The following XPR1 variants were observed in gnomAD, a reference collection of about 807,000 sequenced individuals.
XPR1 encodes the protein solute carrier family 53 member 1.
In XPR1, 28 loss-of-function variants were observed where a neutral mutation model predicts 87.5. The observed-to-expected ratio is 0.32, with a 90% CI of 0.24 to 0.44. XPR1 has a LOEUF of 0.44. Ranked by LOEUF, XPR1 falls within the 20% of genes least tolerant of loss-of-function variation. The probability of loss-of-function intolerance (pLI) is 1.00; values close to 1 mark genes in which losing one functional copy is unlikely to be tolerated. For synonymous variants in XPR1, 300 were observed against 306.1 expected (o/e 0.98, Z 0.21); for missense variants, 559 against 862.3 (o/e 0.65, Z 4.41).
In XPR1 at chr1:180,797,813, G is replaced by A. The variant is rs116590666; in HGVS notation, c.224-5575G>A. Among the ~76,000 whole-genome samples, 1,353 of 152,190 alleles carry A rather than the reference G, an allele frequency of 8.9e-3. 17 individuals carry two copies. Among genetic ancestry groups the A allele is most frequent in the African/African-American group, 0.03 (1,233 of 41,526 alleles). On this transcript the variant is annotated intron_variant, in intron 3 of 14. Transcript: ENST00000367590. ...TAGGACATAAATACTTAAGTTGTTT[G>A]AACCTGATTACTTAATAAATAGAAG...
At chr1:180,694,773 G>GCACACACACACA (rs56118040) in intron 2 of XPR1, among the ~76,000 whole-genome samples, 33 of 149,632 alleles carry the variant, frequency 2.2e-4, no homozygotes, top group African/African-American at 6.6e-4. Flanking sequence ...ATTGTTGTGT[G>GCACACACACACA]CACACACACA....
chr1:180,665,157 A>G (rs1459415770), intron 1 of XPR1, among the ~76,000 whole-genome samples: 1 of 152,184 alleles, frequency 6.6e-6, no homozygotes, highest in African/African-American at 2.4e-5. Context: ...AGAAGTAAAC[A>G]CCTTTTTCAA....
intron 2 of XPR1, among the ~76,000 whole-genome samples, chr1:180,755,504 GTTAT>G (rs983997928): frequency 2.0e-5 from 3 of 152,136 alleles, no homozygotes; most frequent in African/African-American, 7.2e-5. Context: ...TACTGCTTGT[GTTAT>G]TTGTCACACT....
At chr1:180,708,401 C>T (rs1280206569) in intron 2 of XPR1, among the ~76,000 whole-genome samples, 1 of 152,124 alleles carries the variant, frequency 6.6e-6, no homozygotes, top group Non-Finnish European at 1.5e-5. Flanking sequence ...ATGATGGTTG[C>T]ACAACATTAT....
At chr1:180,762,781 A>G (rs867418128) in intron 2 of XPR1, among the ~76,000 whole-genome samples, 6 of 152,322 alleles carry the variant, frequency 3.9e-5, no homozygotes, top group Middle Eastern at 3.4e-3. Context: ...GATAGTTCCT[A>G]TAGGAATTAA....
chr1:180,880,611 T>C (rs1381284396), intron 14 of XPR1, among the ~76,000 whole-genome samples: 1 of 152,210 alleles, frequency 6.6e-6, no homozygotes, highest in Non-Finnish European at 1.5e-5. Context: ...ATGCAAATAA[T>C]TTTTATGTTA....
At chr1:180,829,212 ATTAAC>A (rs543580868) in intron 9 of XPR1, among the ~76,000 whole-genome samples, 202 of 152,344 alleles carry the variant, frequency 1.3e-3, no homozygotes, top group African/African-American at 4.4e-3. Flanking sequence ...ATTTATCAGT[ATTAAC>A]TTAAAAGAGG....
chr1:180,865,139 G>C (rs895126063), intron 12 of XPR1, among the ~76,000 whole-genome samples: 2 of 152,120 alleles, frequency 1.3e-5, no homozygotes, highest in African/African-American at 4.8e-5. Context: ...AGTAACTTCA[G>C]ATGAACAAAT....
At chr1:180,853,658 CACACACACA>C (rs1651940700) in intron 11 of XPR1, among the ~76,000 whole-genome samples, 1 of 151,750 alleles carries the variant, frequency 6.6e-6, no homozygotes, top group Non-Finnish European at 1.5e-5. Flanking sequence ...CACACACACA[CACACACACA>C]CCCTACCTCT....
At chr1:180,832,506 A>C (rs77450830) in intron 9 of XPR1, among the ~76,000 whole-genome samples, 1 of 151,908 alleles carries the variant, frequency 6.6e-6, no homozygotes, top group Non-Finnish European at 1.5e-5. Context: ...TTTCTTCTAG[A>C]GTTTTTATGG....
intron 3 of XPR1, among the ~76,000 whole-genome samples, chr1:180,797,983 T>C (rs1649646726): frequency 6.6e-6 from 1 of 152,208 alleles, no homozygotes; most frequent in African/African-American, 2.4e-5. Flanking sequence ...TAGAAATGTT[T>C]AACATGTGTA....
At chr1:180,657,946 G>T (rs1655593260) in intron 1 of XPR1, among the ~76,000 whole-genome samples, 1 of 151,846 alleles carries the variant, frequency 6.6e-6, no homozygotes, top group Non-Finnish European at 1.5e-5. Flanking sequence ...TTTTTTGCAT[G>T]TGTGTCCTCT....
In XPR1 at chr1:180,632,042, G is replaced by C; in HGVS notation, c.-160G>C. 2.6e-6 allele frequency: 2 copies of C among 771,122 alleles called. No individual in the cohort carries two copies. Among genetic ancestry groups the C allele is most frequent in the Non-Finnish European group, 4.4e-6 (2 of 451,040 alleles). The allele number at this position is 771,122 out of a possible 1,614,324, so 47.8% of individuals were successfully genotyped here. ...GGGCTATGGAGAGGAGGAGGAAGAT[G>C]GCGGGCGGGCTGCTCTGAAGAGACC... On this transcript the variant is annotated 5_prime_UTR_variant, in exon 1 of 15. The change abolishes an upstream ATG in the 5' untranslated region. Coordinates refer to ENST00000367590, the MANE Select transcript of XPR1 (RefSeq NM_004736.4).
At position 180,840,532 on chromosome 1, in the gene XPR1, TTGTGTGTGTG is replaced by T. The variant is rs373937004; in HGVS notation, c.1501+3842_1501+3851del. ...AAATTTTGACTTCAGGTTAACATAT[TTGTGTGTGTG>T]TGTGTGTGTGTGTGTGTGTGTGTGT... On this transcript the variant is annotated intron_variant, in intron 11 of 14. Transcript: ENST00000367590. 1.9e-4 allele frequency among the ~76,000 whole-genome samples: 21 copies of T among 110,446 alleles called. No homozygotes were observed. In the East Asian group the frequency reaches 4.9e-3, roughly 26 times the overall value. 72.5% of individuals were successfully genotyped at this position (110,446 alleles called of 152,430 possible).
chr1:180,637,953 G>C (rs1372821847), intron 1 of XPR1, among the ~76,000 whole-genome samples: 1 of 152,096 alleles, frequency 6.6e-6, no homozygotes, highest in Admixed American at 6.5e-5. Context: ...TGTAAGGTCT[G>C]TTTTTTCAGT....
In XPR1 at chr1:180,889,880, A is replaced by G. The variant is rs544612911; in HGVS notation, c.*5814A>G. 1.3e-5 allele frequency: 2 copies of G among 152,322 alleles called. No individual in the cohort carries two copies. The highest frequency in any genetic ancestry group is 4.8e-5 in the African/African-American group (2 of 41,566). The allele number at this position is 152,322 out of a possible 1,614,324, so 9.4% of individuals were successfully genotyped here. On this transcript the variant is annotated 3_prime_UTR_variant, in exon 15 of 15. Transcript: ENST00000367590. ...TGAGCTATAGTTGTCAAAAGTAACT[A>G]TGGATTGTGATTAGTCCTCTGTGGG... is the stretch of plus-strand genomic sequence containing the variant.
At chr1:180,833,272 A>G (rs181111271) in intron 9 of XPR1, among the ~76,000 whole-genome samples, 2 of 152,338 alleles carry the variant, frequency 1.3e-5, no homozygotes, top group African/African-American at 4.8e-5. Flanking sequence ...GCATCAATTA[A>G]TGGGCAAAAT....
intron 2 of XPR1, among the ~76,000 whole-genome samples, chr1:180,685,586 G>A (rs1656738023): frequency 6.6e-6 from 1 of 152,068 alleles, no homozygotes; most frequent in Admixed American, 6.6e-5. Context: ...TGTACCTCTG[G>A]TAGAATTCGG....
At chr1:180,710,846 C>G (rs1387977181) in intron 2 of XPR1, among the ~76,000 whole-genome samples, 3 of 150,960 alleles carry the variant, frequency 2.0e-5, no homozygotes, top group Admixed American at 6.6e-5. Flanking sequence ...CCACCTCCCT[C>G]CCGAACGGGG....
Sources: gnomAD v4.1 joint callset for allele counts (sites outside exome capture counted in the v4.1 genomes callset) on GRCh38, gnomAD v4.1.1 for gene constraint, MANE v1.5 for transcripts, NCBI Gene and HGNC (gene_info 2026-07-23, HGNC 2026-07-21) for gene names.